Variants in GABBR2 observed in about 807,000 individuals in gnomAD.
GABBR2 encodes the protein G-protein coupled receptor 51.
GABBR2 carries 23 observed loss-of-function variants against 105.6 expected under a neutral mutation model. The observed-to-expected ratio is 0.22, with a 90% confidence interval of 0.16 to 0.31. The LOEUF (loss-of-function observed/expected upper bound fraction) is 0.31. Ranked by LOEUF, GABBR2 falls within the 10% of genes least tolerant of loss-of-function variation. GABBR2 has a pLI of 1.00. For synonymous variants in GABBR2, 478 were observed against 499.7 expected (o/e 0.96, Z 0.58); for missense variants, 734 against 1,245.5 (o/e 0.59, Z 6.18).
At chr9:98,614,924 C>T (rs1306179837) in intron 1 of GABBR2, among the ~76,000 whole-genome samples, 1 of 152,176 alleles carries the variant, frequency 6.6e-6, no homozygotes, top group African/African-American at 2.4e-5. Context: ...CAGAAACAGA[C>T]TTTCAGGGTA....
chr9:98,488,277 C>T (rs533357359), intron 4 of GABBR2, among the ~76,000 whole-genome samples: 1 of 152,270 alleles, frequency 6.6e-6, no homozygotes, highest in Non-Finnish European at 1.5e-5. Flanking sequence ...CTGGAAAGGC[C>T]TTACCTTGGG....
At chr9:98,315,287 G>A (rs1830696155) in intron 13 of GABBR2, among the ~76,000 whole-genome samples, 2 of 152,104 alleles carry the variant, frequency 1.3e-5, no homozygotes, top group African/African-American at 2.4e-5. Flanking sequence ...TCCTGGGGTG[G>A]CCGAGCTGCT....
chr9:98,346,232 C>T (rs1831301851), intron 13 of GABBR2, among the ~76,000 whole-genome samples: 1 of 152,188 alleles, frequency 6.6e-6, no homozygotes, highest in African/African-American at 2.4e-5. Flanking sequence ...GCATTTTACC[C>T]ACAGTAGAAC....
chr9:98,344,292 C>T (rs1408546292), intron 13 of GABBR2, among the ~76,000 whole-genome samples: 1 of 152,200 alleles, frequency 6.6e-6, no homozygotes, highest in East Asian at 1.9e-4. Flanking sequence ...CTCACCGTCA[C>T]CACAAGTAGA....
At chr9:98,471,930 T>G (rs971604986) in intron 6 of GABBR2, among the ~76,000 whole-genome samples, 3 of 152,226 alleles carry the variant, frequency 2.0e-5, no homozygotes, top group African/African-American at 7.2e-5. Context: ...ATGAAAATAT[T>G]TCTTTCAACA....
intron 1 of GABBR2, among the ~76,000 whole-genome samples, chr9:98,702,236 C>A (rs1402324611): frequency 6.6e-6 from 1 of 151,978 alleles, no homozygotes; most frequent in Non-Finnish European, 1.5e-5. Flanking sequence ...CCTTGTCCCC[C>A]TAGGGTGCAT....
chr9:98,444,429 C>A (rs1826085216), intron 7 of GABBR2, among the ~76,000 whole-genome samples: 1 of 151,924 alleles, frequency 6.6e-6, no homozygotes, highest in African/African-American at 2.4e-5. Flanking sequence ...GAGGAGTGTA[C>A]CAGGAACTGG....
At chr9:98,603,054 C>G (rs1029517120) in intron 1 of GABBR2, among the ~76,000 whole-genome samples, 2 of 152,134 alleles carry the variant, frequency 1.3e-5, no homozygotes, top group Admixed American at 1.3e-4. Flanking sequence ...TTGGCCACCC[C>G]CAAGGGACTA....
At chr9:98,501,738 G>A (rs1827404536) in intron 3 of GABBR2, among the ~76,000 whole-genome samples, 1 of 152,312 alleles carries the variant, frequency 6.6e-6, no homozygotes, top group East Asian at 1.9e-4. Context: ...AGGCTCCCAC[G>A]CAGCTTTGGG....
intron 2 of GABBR2, among the ~76,000 whole-genome samples, chr9:98,575,095 C>T (rs867332789): frequency 2.6e-5 from 4 of 152,124 alleles, no homozygotes; most frequent in South Asian, 2.1e-4. Context: ...CCACCCCCCC[C>T]CAAATCTGCA....
chr9:98,530,102 G>A (rs1353064666), intron 3 of GABBR2, among the ~76,000 whole-genome samples: 1 of 152,190 alleles, frequency 6.6e-6, no homozygotes, highest in East Asian at 1.9e-4. Flanking sequence ...CACACTACAA[G>A]ATGCACTGCC....
intron 10 of GABBR2, among the ~76,000 whole-genome samples, chr9:98,386,212 G>GTTTTTT (rs201485919): frequency 1.5e-5 from 2 of 136,474 alleles, no homozygotes; most frequent in African/African-American, 5.4e-5. Flanking sequence ...AAGTCAACAG[G>GTTTTTT]TTTTTTTTTT....
intron 3 of GABBR2, among the ~76,000 whole-genome samples, chr9:98,519,833 G>A (rs538953696): frequency 6.6e-6 from 1 of 152,128 alleles, no homozygotes; most frequent in East Asian, 1.9e-4. Context: ...GAATGGGTGT[G>A]GCTATGTTCC....
chr9:98,531,156 A>G (rs1025993271), intron 3 of GABBR2, among the ~76,000 whole-genome samples: 3 of 152,162 alleles, frequency 2.0e-5, no homozygotes, highest in African/African-American at 4.8e-5. Context: ...CTAATATCAC[A>G]TGCCCTCTTG....
intron 7 of GABBR2, among the ~76,000 whole-genome samples, chr9:98,449,240 T>A (rs531642046): frequency 6.6e-6 from 1 of 152,260 alleles, no homozygotes; most frequent in South Asian, 2.1e-4. Context: ...AGCGAAACCG[T>A]CTTTCCTCCA....
chr9:98,421,290 G>A (rs571882009), intron 7 of GABBR2, among the ~76,000 whole-genome samples: 5 of 152,178 alleles, frequency 3.3e-5, no homozygotes, highest in East Asian at 1.9e-4. Context: ...TTGCTGTGAC[G>A]AAAAGCAAGT....
intron 2 of GABBR2, among the ~76,000 whole-genome samples, chr9:98,574,522 C>A (rs1828882007): frequency 1.3e-5 from 2 of 152,220 alleles, no homozygotes; most frequent in Non-Finnish European, 2.9e-5. Flanking sequence ...AGCTGGGCCC[C>A]AAACACCATG....
At chr9:98,414,864 G>A (rs575247056) in intron 7 of GABBR2, among the ~76,000 whole-genome samples, 19 of 152,036 alleles carry the variant, frequency 1.2e-4, no homozygotes, top group South Asian at 2.1e-4. Flanking sequence ...AGGATCTATC[G>A]GAGAACCCTG....
intron 1 of GABBR2, chr9:98,607,636 G>A: frequency 1.4e-6 from 1 of 726,762 alleles, no homozygotes; most frequent in South Asian, 1.6e-5. Flanking sequence ...TTGGGGTATT[G>A]CTGAAGTTGA....
Sources: allele counts gnomAD v4.1 joint callset (sites outside exome capture counted in the v4.1 genomes callset), GRCh38; gene constraint gnomAD v4.1.1; transcripts MANE v1.5; gene names NCBI Gene and HGNC (gene_info 2026-07-23, HGNC 2026-07-21).